Variants in HS3ST2 observed in about 807,000 individuals in gnomAD.
The protein encoded by HS3ST2 is heparan sulfate glucosamine 3-O-sulfotransferase 2.
In HS3ST2, 17 loss-of-function variants were observed where a neutral mutation model predicts 26.3. The ratio of observed to expected loss-of-function variants is 0.65; its 90% CI spans 0.44 to 0.97. The LOEUF (loss-of-function observed/expected upper bound fraction) is 0.97, where lower values mean the gene tolerates loss of function less well. HS3ST2 is among the 50% of genes least tolerant of loss of function. HS3ST2 has a pLI of 0.00. For synonymous variants in HS3ST2, 237 were observed against 219.2 expected (o/e 1.08, Z -0.72); for missense variants, 402 against 501.2 (o/e 0.80, Z 1.89).
chr16:22,843,332 T>C (rs1052044990), intron 1 of HS3ST2, among the ~76,000 whole-genome samples: 6 of 152,122 alleles, frequency 3.9e-5, no homozygotes, highest in Non-Finnish European at 8.8e-5. Flanking sequence ...ATTCTGACAT[T>C]ATCTACCCAG....
At chr16:22,861,557 T>C (rs1901674616) in intron 1 of HS3ST2, among the ~76,000 whole-genome samples, 1 of 152,054 alleles carries the variant, frequency 6.6e-6, no homozygotes, top group Non-Finnish European at 1.5e-5. Context: ...ATCTGAGCTG[T>C]CATCTGAGTA....
chr16:22,816,034 G>C (rs955912612), intron 1 of HS3ST2, among the ~76,000 whole-genome samples: 1 of 152,162 alleles, frequency 6.6e-6, no homozygotes, highest in Non-Finnish European at 1.5e-5. Context: ...CCCACTGGGG[G>C]AGTCAAGGCA....
intron 1 of HS3ST2, among the ~76,000 whole-genome samples, chr16:22,867,813 A>G (rs187660884): frequency 8.5e-5 from 13 of 152,342 alleles, no homozygotes; most frequent in Admixed American, 6.5e-5. Context: ...TTAGAAAACA[A>G]TTTCAAGGAA....
In HS3ST2 at chr16:22,818,147, C is replaced by G. The variant is rs531480052; in HGVS notation, c.485+3052C>G. ...TATGTGTCTGGCCTGGGTTCTCCCC[C>G]ACCCACATTTCCTCCCCGAGGTAAG... is the stretch of plus-strand genomic sequence containing the variant. On this transcript the variant is annotated intron_variant, in intron 1 of 1. Transcript: ENST00000261374. Among the ~76,000 whole-genome samples the G allele has an allele frequency of 2.0e-5, 3 of 152,316 alleles. No homozygotes were observed. In the South Asian group the frequency reaches 6.2e-4, roughly 32 times the overall value.
chr16:22,825,220 A>G (rs1432777121), intron 1 of HS3ST2, among the ~76,000 whole-genome samples: 1 of 152,194 alleles, frequency 6.6e-6, no homozygotes, highest in Admixed American at 6.5e-5. Flanking sequence ...CACTGGGACT[A>G]ATCATATTGA....
At chr16:22,914,736 CAAAAAAAAAAAA>C (rs1159639879) in intron 1 of HS3ST2, among the ~76,000 whole-genome samples, 196 bp from the exon 2 acceptor site, 7 of 35,952 alleles carry the variant, frequency 1.9e-4, no homozygotes, top group South Asian at 1.8e-3. Context: ...GACCTTGTCT[CAAAAAAAAAAAA>C]AAAAAAAAAA....
intron 1 of HS3ST2, among the ~76,000 whole-genome samples, chr16:22,883,518 G>C (rs1902020766): frequency 6.6e-6 from 1 of 152,210 alleles, no homozygotes; most frequent in Admixed American, 6.5e-5. Context: ...TCCACAATTA[G>C]CACAATCCAA....
At chr16:22,901,046 C>A (rs575004671) in intron 1 of HS3ST2, among the ~76,000 whole-genome samples, 1 of 152,102 alleles carries the variant, frequency 6.6e-6, no homozygotes, top group African/African-American at 2.4e-5. Context: ...AAAGAGGAAC[C>A]TGCTAATAGA....
intron 1 of HS3ST2, among the ~76,000 whole-genome samples, chr16:22,873,334 C>A (rs1449885823): frequency 1.3e-5 from 2 of 152,120 alleles, no homozygotes; most frequent in Non-Finnish European, 2.9e-5. Flanking sequence ...CAAAGGAAAC[C>A]AAGAATTCTT....
chr16:22,852,829 C>G (rs1183244810), intron 1 of HS3ST2, among the ~76,000 whole-genome samples: 3 of 152,138 alleles, frequency 2.0e-5, no homozygotes, highest in Non-Finnish European at 2.9e-5. Context: ...CTGTACTTTT[C>G]CAGAAAAGAT....
intron 1 of HS3ST2, among the ~76,000 whole-genome samples, chr16:22,838,104 C>T (rs1399121930): frequency 6.6e-6 from 1 of 152,040 alleles, no homozygotes; most frequent in African/African-American, 2.4e-5. Context: ...GTGGGAGTTG[C>T]ATGCAAATGA....
At chr16:22,881,770 C>A (rs565289767) in intron 1 of HS3ST2, among the ~76,000 whole-genome samples, 2 of 152,286 alleles carry the variant, frequency 1.3e-5, no homozygotes, top group East Asian at 3.9e-4. Flanking sequence ...TTCACAAGGA[C>A]AAGAACTGTG....
intron 1 of HS3ST2, among the ~76,000 whole-genome samples, chr16:22,876,523 G>T (rs1901920619): frequency 6.6e-6 from 1 of 152,160 alleles, no homozygotes; most frequent in Non-Finnish European, 1.5e-5. Flanking sequence ...ATGGTGAAAA[G>T]GGAGCACTTT....
chr16:22,905,965 C>T lies in HS3ST2; in HGVS notation c.486-8979C>T, dbSNP rs549786941. ...GGGAATTTTTTCTCCAAGACGCACC[C>T]AGTTAATTCTCATGAGCAATTGTAT... On this transcript the variant is annotated intron_variant, in intron 1 of 1. Coordinates refer to ENST00000261374, the MANE Select transcript of HS3ST2 (RefSeq NM_006043.2). 3.9e-5 allele frequency among the ~76,000 whole-genome samples: 6 copies of T among 152,254 alleles called. No homozygotes were observed. In the South Asian group the frequency reaches 1.2e-3, roughly 32 times the overall value.
intron 1 of HS3ST2, among the ~76,000 whole-genome samples, chr16:22,901,236 G>A (rs984110083): frequency 7.2e-5 from 11 of 152,176 alleles, no homozygotes; most frequent in African/African-American, 2.4e-4. Flanking sequence ...CAAGTCATCC[G>A]CAATTTTTCA....
intron 1 of HS3ST2, among the ~76,000 whole-genome samples, chr16:22,878,250 AT>A (rs1054630261): frequency 1.3e-5 from 2 of 152,114 alleles, no homozygotes; most frequent in South Asian, 2.1e-4. Context: ...TTTTTGCTTC[AT>A]TTTTTTTAGA....
intron 1 of HS3ST2, among the ~76,000 whole-genome samples, chr16:22,820,092 C>T (rs374566397): frequency 1.3e-5 from 2 of 152,154 alleles, no homozygotes; most frequent in Admixed American, 6.5e-5. Context: ...CAGACTTAGG[C>T]CTTTATACAG....
intron 1 of HS3ST2, among the ~76,000 whole-genome samples, chr16:22,879,291 G>A (rs1427573724): frequency 6.6e-6 from 1 of 152,228 alleles, no homozygotes; most frequent in African/African-American, 2.4e-5. Context: ...AGGTGTTTCA[G>A]TGTCTTGTAG....
At chr16:22,905,331 T>G (rs571493737) in intron 1 of HS3ST2, among the ~76,000 whole-genome samples, 1 of 152,140 alleles carries the variant, frequency 6.6e-6, no homozygotes, top group South Asian at 2.1e-4. Flanking sequence ...GGAGCTGTCC[T>G]GTGTTCCACT....
Sources: gnomAD v4.1 joint callset for allele counts (sites outside exome capture counted in the v4.1 genomes callset) on GRCh38, gnomAD v4.1.1 for gene constraint, MANE v1.5 for transcripts, NCBI Gene and HGNC (gene_info 2026-07-23, HGNC 2026-07-21) for gene names.